RAB27A: variants seen among roughly 807,000 people sequenced by gnomAD.
RAB27A encodes ras-related protein Rab-27A.
A neutral mutation model predicts 20.8 loss-of-function variants in RAB27A; 17 were observed. The observed-to-expected ratio is 0.82, with a 90% CI of 0.56 to 1.23. The LOEUF is 1.23. Among genes scored for constraint, RAB27A ranks in the 50% most tolerant of loss-of-function variants. The pLI, the probability that RAB27A is intolerant of heterozygous loss-of-function variation, is 0.00. For missense variants in RAB27A, 277 were observed against 266.7 expected, an observed-to-expected ratio of 1.04 and a Z score of -0.27; for synonymous variants, 85 against 92.8, an observed-to-expected ratio of 0.92 and a Z score of 0.48.
intron 6 of RAB27A, among the ~76,000 whole-genome samples, chr15:55,217,382 C>T (rs900007583): frequency 2.0e-5 from 3 of 152,002 alleles, no homozygotes; most frequent in Non-Finnish European, 2.9e-5. Context: ...ATGTTCCAGG[C>T]TGGAGGCGGT....
chr15:55,303,082 T>TG (rs1184977753), intron 2 of RAB27A, among the ~76,000 whole-genome samples: 4 of 87,472 alleles, frequency 4.6e-5, no homozygotes, highest in Non-Finnish European at 6.9e-5. Context: ...GGGAGGGAGG[T>TG]GGGGGGGTCA....
At chr15:55,298,528 G>A (rs528879622) in intron 2 of RAB27A, among the ~76,000 whole-genome samples, 9 of 152,306 alleles carry the variant, frequency 5.9e-5, no homozygotes, top group Admixed American at 3.9e-4. Flanking sequence ...GAGGCAGGGC[G>A]AGATCACAGG....
In RAB27A at chr15:55,284,273, G is replaced by T. The variant is rs191295666; in HGVS notation, c.-143+5443C>A. ...CACCTGTCTATCTACCTTGGTCCTT[G>T]TCATATGTATATCTTCCATATTTAT... On this transcript the variant is annotated intron_variant, in intron 1 of 6. Coordinates refer to ENST00000336787, the MANE Select transcript of RAB27A (RefSeq NM_183235.3). Among the ~76,000 whole-genome samples the T allele has an allele frequency of 1.1e-3, 169 of 152,296 alleles. 1 individual carries two copies. Among genetic ancestry groups the T allele is most frequent in the African/African-American group, 3.8e-3 (160 of 41,560 alleles).
intron 2 of RAB27A, among the ~76,000 whole-genome samples, chr15:55,262,509 T>C (rs974760189): frequency 2.8e-5 from 4 of 144,452 alleles, no homozygotes; most frequent in Non-Finnish European, 3.0e-5. Flanking sequence ...GCCACTGCAC[T>C]CCAGCCTGGG....
At chr15:55,252,018 A>G (rs1311815161) in intron 2 of RAB27A, among the ~76,000 whole-genome samples, 1 of 152,142 alleles carries the variant, frequency 6.6e-6, no homozygotes, top group Non-Finnish European at 1.5e-5. Flanking sequence ...ATTAAGTACA[A>G]AGGGAGTTTT....
Position 55,244,838 on chromosome 15 carries a change from G to C in RAB27A, c.-22-9882C>G, listed in dbSNP as rs182594060. Among the ~76,000 whole-genome samples, 967 of 152,268 alleles carry C rather than the reference G, an allele frequency of 6.4e-3. 16 individuals are homozygous for C. Among genetic ancestry groups the C allele is most frequent in the South Asian group, 5.2e-3 (25 of 4,830 alleles). ...GTTCAGTGATTGATTTGGAGAAAAT[G>C]TTCATATACAAATGACTGGCATAGA... is the stretch of plus-strand genomic sequence containing the variant. On this transcript the variant is annotated intron_variant, in intron 2 of 6. Coordinates refer to ENST00000336787, the MANE Select transcript of RAB27A (RefSeq NM_183235.3).
chr15:55,303,757 C>T lies in RAB27A; in HGVS notation c.-112+10282G>A, dbSNP rs1439948217. The stretch of plus-strand genomic sequence containing the variant: ...TACTGGGAAGTGAGGAGCCCCTCTG[C>T]CCGGCCAGCCGCCCCGTCCGGGAGG... On this transcript the variant is annotated intron_variant, in intron 2 of 5. Coordinates refer to the RAB27A transcript ENST00000563262. Among the ~76,000 whole-genome samples the T allele has an allele frequency of 7.3e-5, 10 of 136,998 alleles. No homozygotes were observed. In the South Asian group the frequency reaches 1.2e-3, roughly 16 times the overall value. 89.9% of individuals were successfully genotyped at this position (136,998 alleles called of 152,430 possible).
At chr15:55,314,267 A>C (rs1245741258) in intron 1 of RAB27A, 3 of 152,180 alleles carry the variant, frequency 2.0e-5, no homozygotes, top group African/African-American at 7.2e-5. Context: ...CAATATAAAA[A>C]CATGTTGATT....
intron 2 of RAB27A, among the ~76,000 whole-genome samples, chr15:55,243,212 C>A (rs1450808446): frequency 6.6e-6 from 1 of 152,136 alleles, no homozygotes; most frequent in Non-Finnish European, 1.5e-5. Context: ...AAAAATAACT[C>A]TTCTTAATAC....
intron 6 of RAB27A, among the ~76,000 whole-genome samples, chr15:55,205,966 T>C (rs1316381195): frequency 6.6e-6 from 1 of 152,068 alleles, no homozygotes; most frequent in Non-Finnish European, 1.5e-5. Context: ...CTCCCAGCAC[T>C]CTGGGAGGCT....
chr15:55,312,603 A>G (rs1378604010), intron 2 of RAB27A, among the ~76,000 whole-genome samples: 1 of 152,092 alleles, frequency 6.6e-6, no homozygotes, highest in Non-Finnish European at 1.5e-5. Flanking sequence ...TGAACATGAA[A>G]TGGTAACTCA....
rs545643320 is a variant in RAB27A at position 55,215,075 on chromosome 15, GAATA to G, written c.467+8810_467+8813del. ...TGAAAAACTCAGATCTCCCGCAACA[GAATA>G]AATTGGAAATTTCTTAAAAAGTAGT... On this transcript the variant is annotated intron_variant, in intron 6 of 6. Coordinates refer to ENST00000336787, the MANE Select transcript of RAB27A (RefSeq NM_183235.3). Among the ~76,000 whole-genome samples, 86 of 152,180 alleles carry G rather than the reference GAATA, an allele frequency of 5.7e-4. No homozygotes were observed. The East Asian group carries it at 0.016, about 28-fold the overall frequency.
rs188041068 is a variant in RAB27A at position 55,309,406 on chromosome 15, C to T, written c.-112+4633G>A. Among the ~76,000 whole-genome samples the T allele has an allele frequency of 2.6e-4, 40 of 152,280 alleles. No individual in the cohort carries two copies. The East Asian group carries it at 5.6e-3, about 21-fold the overall frequency. On this transcript the variant is annotated intron_variant, in intron 2 of 5. Coordinates refer to the RAB27A transcript ENST00000563262. ...CACAGGCAGCAAGGAAATTTAAGAGCGCTTGGGTGGCTTGATGGCACAAGG... is the reference window on the plus strand; with the variant it reads ...CACAGGCAGCAAGGAAATTTAAGAGTGCTTGGGTGGCTTGATGGCACAAGG...
chr15:55,241,643 T>G (rs548510079), intron 2 of RAB27A, among the ~76,000 whole-genome samples: 44 of 69,846 alleles, frequency 6.3e-4, no homozygotes, highest in Middle Eastern at 6.1e-3. Flanking sequence ...TATATATTTG[T>G]TTTTTTTTTT....
intron 2 of RAB27A, among the ~76,000 whole-genome samples, chr15:55,260,727 T>C (rs538420468): frequency 6.6e-6 from 1 of 152,300 alleles, no homozygotes; most frequent in South Asian, 2.1e-4. Context: ...AAGGCTAAAC[T>C]GTGGAGATAG....
At chr15:55,292,419 T>A (rs2054926889), upstream of RAB27A, among the ~76,000 whole-genome samples, 2 of 152,222 alleles carry the variant, frequency 1.3e-5, no homozygotes. Flanking sequence ...AGAATGGGTC[T>A]GAGAGGTCAA....
upstream of RAB27A, chr15:55,290,130 A>C (rs1329314996): frequency 1.3e-5 from 2 of 152,272 alleles, no homozygotes; most frequent in Non-Finnish European, 2.9e-5. Flanking sequence ...GTGCGCGGCG[A>C]GGTGTCGTTT....
intron 2 of RAB27A, among the ~76,000 whole-genome samples, chr15:55,254,834 C>G (rs1298475956): frequency 6.6e-6 from 1 of 152,224 alleles, no homozygotes; most frequent in Non-Finnish European, 1.5e-5. Flanking sequence ...TGCAGCATGA[C>G]TTTCCAAACC....
chr15:55,317,945 T>C (rs1167111987), intron 1 of RAB27A: 1 of 381,250 alleles, frequency 2.6e-6, no homozygotes, highest in Admixed American at 4.5e-5. Context: ...TACTTTGCAC[T>C]GGAGTGAACA....
Sources: allele counts gnomAD v4.1 joint callset (sites outside exome capture counted in the v4.1 genomes callset), GRCh38; gene constraint gnomAD v4.1.1; transcripts MANE v1.5; gene names NCBI Gene and HGNC (gene_info 2026-07-23, HGNC 2026-07-21).